The following EDAR variants were observed in gnomAD, a reference collection of about 807,000 sequenced individuals.
EDAR encodes tumor necrosis factor receptor superfamily member EDAR.
Under a neutral mutation model 51.3 loss-of-function variants are expected in EDAR, and 38 were observed. That is an observed-to-expected ratio of 0.74 (90% CI 0.57 to 0.97). EDAR has a LOEUF of 0.97. EDAR is among the 50% of genes least tolerant of loss of function. The pLI is 0.00. For missense variants in EDAR, 528 were observed against 595.0 expected, an observed-to-expected ratio of 0.89 and a Z score of 1.17; for synonymous variants, 227 against 242.1, an observed-to-expected ratio of 0.94 and a Z score of 0.58.
rs756384560 is a variant in EDAR at position 108,907,992 on chromosome 2, C to T, written c.831G>A (p.Glu277=). ...KSENDASSEN[E]QLLSRSVDSD... Reference sequence around the variant, plus strand: ...TGTCGACGCTCCGGCTCAGCAGCTGCTCATTCTCGGATGAGGCATCGTTCT... The same window carrying T: ...TGTCGACGCTCCGGCTCAGCAGCTGTTCATTCTCGGATGAGGCATCGTTCT... Residue 277 remains glutamate (E), a synonymous_variant, in exon 10 of 12, where the codon GAG becomes GAA. Transcript: ENST00000258443. 1 of 1,610,800 alleles carries T rather than the reference C, an allele frequency of 6.2e-7. No individual in the cohort carries two copies. The highest frequency in any genetic ancestry group is 8.5e-7 in the Non-Finnish European group (1 of 1,177,470).
At chr2:108,935,745 A>G (rs1366547898) in intron 1 of EDAR, among the ~76,000 whole-genome samples, 1 of 152,302 alleles carries the variant, frequency 6.6e-6, no homozygotes, top group South Asian at 2.1e-4. Context: ...AGCTGCTACT[A>G]TGTGGCAATC....
intron 1 of EDAR, among the ~76,000 whole-genome samples, chr2:108,967,679 T>C (rs905152714): frequency 5.3e-5 from 8 of 152,290 alleles, no homozygotes; most frequent in Non-Finnish European, 1.2e-4. Context: ...TTGCTTCAAT[T>C]TTACTTCATA....
intron 6 of EDAR, among the ~76,000 whole-genome samples, chr2:108,911,753 GCCA>G (rs903057245): frequency 1.3e-5 from 2 of 152,050 alleles, no homozygotes; most frequent in Non-Finnish European, 2.9e-5. Context: ...ATCCAGATTT[GCCA>G]CCACCCAAAT....
intron 4 of EDAR, among the ~76,000 whole-genome samples, chr2:108,927,229 T>C (rs1423776296): frequency 6.6e-6 from 1 of 152,186 alleles, no homozygotes; most frequent in Non-Finnish European, 1.5e-5. Context: ...GCAGGTGTGC[T>C]GGGCCTTGCT....
intron 5 of EDAR, among the ~76,000 whole-genome samples, chr2:108,918,335 G>A (rs1197437626): frequency 2.0e-5 from 3 of 152,198 alleles, no homozygotes; most frequent in Non-Finnish European, 4.4e-5. Context: ...ACAGTGTCTG[G>A]AGGTTTCACC....
chr2:108,905,550 T>G (rs1480951992), intron 11 of EDAR, among the ~76,000 whole-genome samples: 2 of 149,572 alleles, frequency 1.3e-5, no homozygotes, highest in East Asian at 2.0e-4. Context: ...GGAGGAGGGG[T>G]AATGGGGGCA....
chr2:108,910,717 G>C lies in EDAR; in HGVS notation c.730+59C>G, dbSNP rs952675426. The C allele has an allele frequency of 3.2e-6, 5 of 1,582,456 alleles. No homozygotes were observed. The South Asian group carries it at 4.4e-5, about 14-fold the overall frequency. ...CAGCGAGGAGGCTGCTTCTGGGAAC[G>C]CCCTCCACCCAGAGATGGGCACCGT... On this transcript the variant is annotated intron_variant, in intron 8 of 11. Transcript: ENST00000258443.
chr2:108,971,299 C>T (rs1279972973), intron 1 of EDAR, among the ~76,000 whole-genome samples: 1 of 152,000 alleles, frequency 6.6e-6, no homozygotes, highest in Non-Finnish European at 1.5e-5. Flanking sequence ...AAGAGTGGTC[C>T]CTGGGATGCA....
intron 3 of EDAR, 59 bp downstream of exon 3, chr2:108,930,061 C>A: frequency 6.4e-7 from 1 of 1,566,034 alleles, no homozygotes; most frequent in Non-Finnish European, 8.7e-7. Context: ...GGCAACAATG[C>A]CACAAGCAGG....
At chr2:108,985,233 C>G (rs976709855) in intron 1 of EDAR, among the ~76,000 whole-genome samples, 2 of 152,206 alleles carry the variant, frequency 1.3e-5, no homozygotes, top group Non-Finnish European at 2.9e-5. Context: ...TTAAGCCCAC[C>G]ACTAAGCTTG....
At chr2:108,979,479 A>T (rs1190482904) in intron 1 of EDAR, among the ~76,000 whole-genome samples, 5 of 151,330 alleles carry the variant, frequency 3.3e-5, no homozygotes, top group African/African-American at 9.7e-5. Flanking sequence ...ACACACACAC[A>T]CACACACACA....
At chr2:108,913,816 G>A (rs1268741664) in intron 5 of EDAR, among the ~76,000 whole-genome samples, 1 of 151,988 alleles carries the variant, frequency 6.6e-6, no homozygotes, top group Non-Finnish European at 1.5e-5. Context: ...CGGGCGTGGT[G>A]GCAGGCGCCT....
At chr2:108,906,667 AC>A (rs986496890) in intron 10 of EDAR, among the ~76,000 whole-genome samples, 4 of 151,974 alleles carry the variant, frequency 2.6e-5, no homozygotes, top group Admixed American at 2.0e-4. Context: ...GACCATGGGG[AC>A]CCCCACTTGC....
intron 1 of EDAR, among the ~76,000 whole-genome samples, chr2:108,988,215 A>G (rs1574420070): frequency 6.6e-6 from 1 of 152,106 alleles, no homozygotes; most frequent in Admixed American, 6.5e-5. Context: ...CCCAGTGGGA[A>G]CCTCGCCTGC....
At chr2:108,927,857 A>G (rs1329752867) in intron 4 of EDAR, among the ~76,000 whole-genome samples, 3 of 152,042 alleles carry the variant, frequency 2.0e-5, no homozygotes, top group African/African-American at 7.3e-5. Context: ...AAATGGCACT[A>G]TTTCCACATG....
At chr2:108,925,064 C>G (rs932514487) in intron 4 of EDAR, among the ~76,000 whole-genome samples, 2 of 152,110 alleles carry the variant, frequency 1.3e-5, no homozygotes, top group Non-Finnish European at 2.9e-5. Context: ...TCCACGCATT[C>G]TCTCTCCCAC....
intron 4 of EDAR, 135 bp downstream of exon 4, chr2:108,929,062 TG>T: frequency 9.8e-7 from 1 of 1,025,480 alleles, no homozygotes; most frequent in Non-Finnish European, 1.5e-6. Flanking sequence ...CCTTGTGGGA[TG>T]GGACCAAGGC....
chr2:108,901,841 C>T (rs915286786), intron 11 of EDAR, among the ~76,000 whole-genome samples: 10 of 152,318 alleles, frequency 6.6e-5, no homozygotes, highest in East Asian at 5.8e-4. Context: ...CGGTGGCTCA[C>T]GCCTGTAATC....
At chr2:108,913,232 A>T (rs1696964364) in intron 5 of EDAR, among the ~76,000 whole-genome samples, 2 of 152,094 alleles carry the variant, frequency 1.3e-5, no homozygotes, top group East Asian at 3.9e-4. Flanking sequence ...TACAGGCATG[A>T]GCCACCGCGC....
Sources: allele counts gnomAD v4.1 joint callset (sites outside exome capture counted in the v4.1 genomes callset), GRCh38; gene constraint gnomAD v4.1.1; transcripts MANE v1.5; gene names NCBI Gene and HGNC (gene_info 2026-07-23, HGNC 2026-07-21).